LHCGR: variants seen among roughly 807,000 people sequenced by gnomAD.
The protein encoded by LHCGR is lutropin-choriogonadotropic hormone receptor.
LHCGR carries 55 observed loss-of-function variants against 60.7 expected under a neutral mutation model. The observed-to-expected ratio is 0.91, with a 90% CI of 0.73 to 1.13. The LOEUF (loss-of-function observed/expected upper bound fraction) is 1.13. LHCGR is among the 50% of genes most tolerant of loss of function. The pLI is 0.00. For synonymous variants in LHCGR, 337 were observed against 316.5 expected (o/e 1.06, Z -0.69); for missense variants, 862 against 836.0 (o/e 1.03, Z -0.38).
At chr2:48,694,153 ATTGATG>A (rs1206858118) in intron 10 of LHCGR, 65 bp downstream of exon 10, 1 of 927,314 alleles carries the variant, frequency 1.1e-6, no homozygotes, top group Non-Finnish European at 1.7e-6. Flanking sequence ...AAAGAAAATA[ATTGATG>A]CTGATAATAA....
intron 3 of LHCGR, among the ~76,000 whole-genome samples, chr2:48,728,444 C>T (rs1023907727): frequency 6.6e-6 from 1 of 152,120 alleles, no homozygotes; most frequent in Non-Finnish European, 1.5e-5. Context: ...CTCAGGTTTG[C>T]GCCTGAGTAA....
intron 4 of LHCGR, among the ~76,000 whole-genome samples, chr2:48,725,337 C>G (rs1668670409): frequency 6.6e-6 from 1 of 152,206 alleles, no homozygotes; most frequent in Admixed American, 6.5e-5. Flanking sequence ...CACCTACTCT[C>G]TATTCACTTC....
At chr2:48,693,476 G>A (rs1297044004) in intron 10 of LHCGR, among the ~76,000 whole-genome samples, 1 of 152,142 alleles carries the variant, frequency 6.6e-6, no homozygotes, top group Admixed American at 6.5e-5. Flanking sequence ...TGTCTAACTT[G>A]GAGATTGATA....
intron 1 of LHCGR, among the ~76,000 whole-genome samples, chr2:48,749,738 A>G (rs4516486): frequency 9.4e-5 from 14 of 148,952 alleles, no homozygotes; most frequent in African/African-American, 3.5e-4. Context: ...AAAAAAAAAA[A>G]GAAGAAAAAC....
At chr2:48,693,872 G>C (rs187501527) in intron 10 of LHCGR, among the ~76,000 whole-genome samples, 4 of 152,172 alleles carry the variant, frequency 2.6e-5, no homozygotes, top group Non-Finnish European at 1.5e-5. Flanking sequence ...AATCTTTGTG[G>C]AATGTTGACC....
At chr2:48,715,271 C>A (rs1279777372) in intron 6 of LHCGR, among the ~76,000 whole-genome samples, 1 of 152,098 alleles carries the variant, frequency 6.6e-6, no homozygotes, top group East Asian at 1.9e-4. Context: ...GTGCGTGGCA[C>A]CTGGGAGTAT....
intron 1 of LHCGR, among the ~76,000 whole-genome samples, chr2:48,736,891 T>C (rs547823702): frequency 2.6e-5 from 4 of 152,336 alleles, no homozygotes; most frequent in South Asian, 2.1e-4. Context: ...TAGAGTTCAA[T>C]TGACACACTC....
At chr2:48,731,780 T>C (rs2103633761) in intron 1 of LHCGR, among the ~76,000 whole-genome samples, 1 of 152,282 alleles carries the variant, frequency 6.6e-6, no homozygotes, top group South Asian at 2.1e-4. Context: ...AAAAACTATG[T>C]TGAGTAGAGT....
At chr2:48,730,981 T>C (rs1001865764) in intron 2 of LHCGR, among the ~76,000 whole-genome samples, 3 of 152,188 alleles carry the variant, frequency 2.0e-5, no homozygotes, top group Non-Finnish European at 2.9e-5. Context: ...AGGTATATCA[T>C]CACTTATAAA....
intron 1 of LHCGR, among the ~76,000 whole-genome samples, chr2:48,741,506 T>C (rs1260495351): frequency 1.3e-5 from 2 of 152,036 alleles, no homozygotes; most frequent in East Asian, 3.8e-4. Context: ...GCAGAAACTC[T>C]ACAAGCCAGA....
At chr2:48,707,476 T>C (rs1025721365) in intron 8 of LHCGR, among the ~76,000 whole-genome samples, 1 of 152,264 alleles carries the variant, frequency 6.6e-6, no homozygotes, top group African/African-American at 2.4e-5. Flanking sequence ...CGTTTAAGTC[T>C]GCAGAAGTTG....
At chr2:48,728,794 C>G (rs1668858393) in intron 3 of LHCGR, among the ~76,000 whole-genome samples, 1 of 152,124 alleles carries the variant, frequency 6.6e-6, no homozygotes, top group African/African-American at 2.4e-5. Flanking sequence ...CAAAACAGCC[C>G]CCAATGAACC....
At chr2:48,689,470 C>G (rs901694833) in intron 10 of LHCGR, among the ~76,000 whole-genome samples, 1 of 152,094 alleles carries the variant, frequency 6.6e-6, no homozygotes, top group African/African-American at 2.4e-5. Context: ...GCACTTAAGT[C>G]CCTAGCTAAT....
At chr2:48,749,769 A>G (rs918996600) in intron 1 of LHCGR, among the ~76,000 whole-genome samples, 33 of 151,848 alleles carry the variant, frequency 2.2e-4, no homozygotes, top group African/African-American at 7.0e-4. Context: ...ACTACTCTCC[A>G]AGGAGGGAGC....
At chr2:48,710,675 G>C (rs1667939785) in intron 7 of LHCGR, among the ~76,000 whole-genome samples, 1 of 152,152 alleles carries the variant, frequency 6.6e-6, no homozygotes, top group South Asian at 2.1e-4. Flanking sequence ...GGGTGCTCTG[G>C]GAACAGTATG....
intron 7 of LHCGR, among the ~76,000 whole-genome samples, chr2:48,711,169 C>G (rs1338791805): frequency 6.6e-6 from 1 of 152,226 alleles, no homozygotes; most frequent in African/African-American, 2.4e-5. Context: ...CAGGCTCAGC[C>G]TAAATATCAC....
rs1558913707 is a variant in LHCGR, at chr2:48,755,613, G to GGCGGCTGCAGCAGCAGCAGCAGCTTCA, written c.32_58dup (p.Leu11_Pro19dup). 6.4e-6 allele frequency: 9 copies of GGCGGCTGCAGCAGCAGCAGCAGCTTCA among 1,408,496 alleles called. No homozygotes were observed. Among genetic ancestry groups the GGCGGCTGCAGCAGCAGCAGCAGCTTCA allele is most frequent in the Non-Finnish European group, 7.7e-6 (8 of 1,032,452 alleles). 87.2% of individuals were successfully genotyped at this position (1,408,496 alleles called of 1,614,324 possible). On this transcript the variant is annotated inframe_insertion, in exon 1 of 11. Transcript: ENST00000294954. ...CGCCTCGCGCAGCGCTCGTGGCAGC[G>GGCGGCTGCAGCAGCAGCAGCAGCTTCA]GCGGCTGCAGCAGCAGCAGCAGCTT...
At chr2:48,728,610 C>T (rs1377199001) in intron 3 of LHCGR, among the ~76,000 whole-genome samples, 1 of 152,124 alleles carries the variant, frequency 6.6e-6, no homozygotes, top group Non-Finnish European at 1.5e-5. Flanking sequence ...CTTTTCCTAT[C>T]CTTTTTGTGA....
chr2:48,701,109 A>G (rs1667386003), intron 8 of LHCGR, among the ~76,000 whole-genome samples: 1 of 152,122 alleles, frequency 6.6e-6, no homozygotes, highest in South Asian at 2.1e-4. Flanking sequence ...GGAAGGAGTT[A>G]GGAAATAGAG....
Sources: allele counts gnomAD v4.1 joint callset (sites outside exome capture counted in the v4.1 genomes callset), GRCh38; gene constraint gnomAD v4.1.1; transcripts MANE v1.5; gene names NCBI Gene and HGNC (gene_info 2026-07-23, HGNC 2026-07-21).